IARS2: variants seen among roughly 807,000 people sequenced by gnomAD.
IARS2 encodes isoleucyl-tRNA synthetase 2, mitochondrial, also known as isoleucine--tRNA ligase, mitochondrial.
A neutral mutation model predicts 126.3 loss-of-function variants in IARS2; 56 were observed. The observed-to-expected ratio is 0.44, with a 90% CI of 0.36 to 0.55. The LOEUF (loss-of-function observed/expected upper bound fraction) is 0.55. Ranked by LOEUF, IARS2 falls within the 20% of genes least tolerant of loss-of-function variation. The pLI, the probability that IARS2 is intolerant of heterozygous loss-of-function variation, is 0.00. For missense variants in IARS2, 1,127 were observed against 1,245.9 expected (o/e 0.90, Z 1.44); for synonymous variants, 407 against 441.1 (o/e 0.92, Z 0.97).
chr1:220,147,653 A>G lies in IARS2; in HGVS notation c.*18A>G. On this transcript the variant is annotated 3_prime_UTR_variant, in exon 23 of 23. Coordinates refer to ENST00000366922, the MANE Select transcript of IARS2 (RefSeq NM_018060.4). ...GAAAATAGTATTAACAGCTCACTCGAGCAAGAACCCTCCTGACAGTACTGG... is the reference window on the plus strand; with the variant it reads ...GAAAATAGTATTAACAGCTCACTCGGGCAAGAACCCTCCTGACAGTACTGG... 2 of 1,613,260 alleles carry G rather than the reference A, an allele frequency of 1.2e-6. No homozygotes were observed. The highest frequency in any genetic ancestry group is 2.2e-5 in the East Asian group (1 of 44,860).
At chr1:220,131,884 G>A (rs890132874) in intron 14 of IARS2, among the ~76,000 whole-genome samples, 2 of 141,298 alleles carry the variant, frequency 1.4e-5, no homozygotes, top group African/African-American at 5.3e-5. Flanking sequence ...TGCAACCCCC[G>A]CCTCCTAGGT....
intron 21 of IARS2, chr1:220,144,467 T>C (rs894233810): frequency 2.0e-6 from 1 of 493,252 alleles, no homozygotes. Context: ...TTTTTAATGA[T>C]GTAATTAGCA....
rs775153600 is a variant in IARS2, at chr1:220,102,112, T to C, written c.551-17T>C. The C allele has an allele frequency of 3.8e-6, 6 of 1,589,462 alleles. No homozygotes were observed. In the African/African-American group the frequency reaches 5.5e-5, roughly 14 times the overall value. On this transcript the variant is annotated splice_polypyrimidine_tract_variant and intron_variant, in intron 3 of 22. Coordinates refer to ENST00000366922, the MANE Select transcript of IARS2 (RefSeq NM_018060.4). ...ATTCATTGGTTTTTTAAAATCTTTT[T>C]TTCGTCTTTTTTTTAGCTAGATCAT... is the stretch of plus-strand genomic sequence containing the variant.
At chr1:220,135,811 A>ATT (rs1558130267) in intron 15 of IARS2, among the ~76,000 whole-genome samples, 2 of 147,972 alleles carry the variant, frequency 1.4e-5, no homozygotes, top group Admixed American at 6.7e-5. Flanking sequence ...TTTCATTTAA[A>ATT]ATTTTTTTTT....
chr1:220,109,985 G>T (rs143703425), intron 10 of IARS2, among the ~76,000 whole-genome samples: 30 of 152,316 alleles, frequency 2.0e-4, no homozygotes, highest in African/African-American at 7.0e-4. Context: ...AGATTTTACA[G>T]TCCGTGCTTT....
intron 15 of IARS2, among the ~76,000 whole-genome samples, chr1:220,135,397 A>G (rs971400323): frequency 7.3e-5 from 11 of 151,478 alleles, no homozygotes; most frequent in African/African-American, 2.2e-4. Context: ...GTCTTGTTCT[A>G]TTGCCTAGGC....
chr1:220,099,759 G>A (rs550691271), intron 2 of IARS2, among the ~76,000 whole-genome samples: 1 of 152,114 alleles, frequency 6.6e-6, no homozygotes, highest in Non-Finnish European at 1.5e-5. Context: ...AATATACCCA[G>A]AGTAAAGTGA....
chr1:220,127,280 C>T (rs1657173108), intron 14 of IARS2, among the ~76,000 whole-genome samples: 1 of 152,186 alleles, frequency 6.6e-6, no homozygotes, highest in East Asian at 1.9e-4. Context: ...AACGCAAGTA[C>T]CCTGATTTTC....
chr1:220,147,404 C>T, intron 22 of IARS2, 89 bp from the exon 23 acceptor site: 1 of 1,268,316 alleles, frequency 7.9e-7, no homozygotes, highest in East Asian at 2.3e-5. Flanking sequence ...GGACAAAAGA[C>T]TGAAAAAGAA....
intron 8 of IARS2, among the ~76,000 whole-genome samples, chr1:220,105,108 A>C (rs928626189): frequency 1.3e-5 from 2 of 151,698 alleles, no homozygotes; most frequent in African/African-American, 4.8e-5. Context: ...ATAAAAACCA[A>C]GATAATAATT....
Position 220,105,951 on chromosome 1 carries a change from T to A in IARS2, c.1127T>A (p.Leu376His). ...TTAATTCCTGATAAAGCCTCTCCTC[T>A]TTTACCTGCAAATCATGTGACCATG... ...HPLIPDKASP[L>H]LPANHVTMAK... The change falls in exon 9 of 23, where the codon CTT becomes CAT. Residue 376 changes from leucine to histidine, a missense_variant. Leu to His is a moderately conservative substitution (Grantham distance 99). Coordinates refer to ENST00000366922, the MANE Select transcript of IARS2 (RefSeq NM_018060.4). The A allele has an allele frequency of 1.9e-6, 3 of 1,614,082 alleles. No individual in the cohort carries two copies. The highest frequency in any genetic ancestry group is 2.5e-6 in the Non-Finnish European group (3 of 1,179,958).
At chr1:220,131,879 C>T (rs1412713135) in intron 14 of IARS2, among the ~76,000 whole-genome samples, 2 of 150,270 alleles carry the variant, frequency 1.3e-5, no homozygotes, top group Non-Finnish European at 3.0e-5. Flanking sequence ...CTCACTGCAA[C>T]CCCCGCCTCC....
intron 12 of IARS2, among the ~76,000 whole-genome samples, chr1:220,123,536 C>T (rs1267858365): frequency 2.6e-5 from 4 of 152,128 alleles, no homozygotes; most frequent in African/African-American, 7.2e-5. Flanking sequence ...TGCAGTGGCG[C>T]GATCTCAGCT....
At chr1:220,143,190 A>G in intron 21 of IARS2, 56 bp downstream of exon 21, 1 of 1,363,098 alleles carries the variant, frequency 7.3e-7, no homozygotes. Flanking sequence ...GCTTTGCCTG[A>G]AATTTGCTTT....
chr1:220,117,494 C>T (rs1283975490), intron 12 of IARS2, among the ~76,000 whole-genome samples: 1 of 151,992 alleles, frequency 6.6e-6, no homozygotes, highest in African/African-American at 2.4e-5. Flanking sequence ...GCCACTGTGC[C>T]CGGCTACTCT....
At chr1:220,111,596 A>ATGTGTG (rs1348774206) in intron 11 of IARS2, among the ~76,000 whole-genome samples, 9 of 133,344 alleles carry the variant, frequency 6.7e-5, no homozygotes, top group East Asian at 4.5e-4. Context: ...ATATATATAT[A>ATGTGTG]TATGTGTGTG....
intron 16 of IARS2, among the ~76,000 whole-genome samples, chr1:220,137,442 C>T (rs1187042318): frequency 6.6e-6 from 1 of 152,110 alleles, no homozygotes; most frequent in Non-Finnish European, 1.5e-5. Flanking sequence ...GTTTTTGGAG[C>T]TGCTTTTGTG....
At chr1:220,135,485 C>T (rs935224827) in intron 15 of IARS2, among the ~76,000 whole-genome samples, 3 of 151,856 alleles carry the variant, frequency 2.0e-5, no homozygotes, top group African/African-American at 7.3e-5. Context: ...CTCAGCCTCT[C>T]GAGTAGCTGG....
intron 2 of IARS2, among the ~76,000 whole-genome samples, chr1:220,099,063 A>T (rs1299608894): frequency 1.3e-5 from 2 of 151,992 alleles, no homozygotes; most frequent in East Asian, 3.9e-4. Flanking sequence ...ATACAAAAAA[A>T]TTAGCTGGGC....
Sources: allele counts gnomAD v4.1 joint callset (sites outside exome capture counted in the v4.1 genomes callset), GRCh38; gene constraint gnomAD v4.1.1; transcripts MANE v1.5; gene names NCBI Gene and HGNC (gene_info 2026-07-23, HGNC 2026-07-21).